Variants in RGL1 observed in about 807,000 individuals in gnomAD.
RGL1 encodes the protein ral guanine nucleotide dissociation stimulator like 1.
RGL1 carries 24 observed loss-of-function variants against 95.2 expected under a neutral mutation model. That is an observed-to-expected ratio of 0.25 (90% CI 0.18 to 0.35). The LOEUF (loss-of-function observed/expected upper bound fraction) is 0.35. Ranked by LOEUF, RGL1 falls within the 10% of genes least tolerant of loss-of-function variation. The pLI is 1.00. For synonymous variants in RGL1, 329 were observed against 344.9 expected, an observed-to-expected ratio of 0.95 and a Z score of 0.51; for missense variants, 715 against 936.3, an observed-to-expected ratio of 0.76 and a Z score of 3.08.
At chr1:183,858,178 A>G (rs1665280378) in intron 3 of RGL1, among the ~76,000 whole-genome samples, 2 of 152,200 alleles carry the variant, frequency 1.3e-5, no homozygotes, top group Admixed American at 1.3e-4. Context: ...AATGGGTGGT[A>G]ACTGAGTTAG....
intron 8 of RGL1, among the ~76,000 whole-genome samples, chr1:183,890,097 T>C (rs529522325): frequency 6.6e-6 from 1 of 152,246 alleles, no homozygotes; most frequent in South Asian, 2.1e-4. Flanking sequence ...CTTCACCTCT[T>C]CTTTCCCTTA....
chr1:183,822,295 T>A (rs892374077), intron 2 of RGL1, among the ~76,000 whole-genome samples: 2 of 152,190 alleles, frequency 1.3e-5, no homozygotes, highest in African/African-American at 4.8e-5. Flanking sequence ...TCTTTAAAAA[T>A]TATACCTTAG....
At position 183,926,197 on chromosome 1, in the gene RGL1, G is replaced by GA; in HGVS notation, c.2214dup (p.Gln739ThrfsTer6). 6.2e-7 allele frequency: 1 copy of GA among 1,614,050 alleles called. No homozygotes were observed. The highest frequency in any genetic ancestry group is 8.5e-7 in the Non-Finnish European group (1 of 1,179,968). ...TTTGCGCAAAAAGAACTCCATGGAAGAACAAGTGAAACTGCGTAGCCGGAC... is the reference window on the plus strand; with the variant it reads ...TTTGCGCAAAAAGAACTCCATGGAAGAAACAAGTGAAACTGCGTAGCCGGAC... On this transcript the variant is annotated frameshift_variant, in exon 18 of 18. Transcript: ENST00000360851. LOFTEE classifies it high-confidence loss of function.
At chr1:183,789,864 A>C (rs1660359960) in intron 2 of RGL1, among the ~76,000 whole-genome samples, 2 of 150,598 alleles carry the variant, frequency 1.3e-5, no homozygotes, top group Non-Finnish European at 3.0e-5. Context: ...TTTTGCCATT[A>C]AAAGTGATAG....
intron 3 of RGL1, among the ~76,000 whole-genome samples, chr1:183,863,732 TG>T (rs1467962589): frequency 6.6e-6 from 1 of 152,222 alleles, no homozygotes; most frequent in Non-Finnish European, 1.5e-5. Context: ...AGAGTTAGTA[TG>T]TCTGCAAGAT....
intron 1 of RGL1, chr1:183,647,582 A>C (rs1279594797): frequency 6.8e-7 from 1 of 1,481,294 alleles, no homozygotes; most frequent in Non-Finnish European, 8.9e-7. Flanking sequence ...GTTTATCTCC[A>C]TCTTGGCTCA....
intron 1 of RGL1, among the ~76,000 whole-genome samples, chr1:183,678,022 C>A (rs1372961810): frequency 1.3e-5 from 2 of 152,048 alleles, no homozygotes; most frequent in Non-Finnish European, 2.9e-5. Context: ...GTCTCATAGT[C>A]CTTATTTAAA....
chr1:183,643,258 GTTT>G (rs1553265191), intron 1 of RGL1, among the ~76,000 whole-genome samples: 12,247 of 142,950 alleles, frequency 0.086, 972 homozygotes, highest in African/African-American at 0.22. Flanking sequence ...TTGAGGTCCT[GTTT>G]TTTTATTTAT....
chr1:183,880,527 G>C lies in RGL1; in HGVS notation c.426-89G>C, dbSNP rs560549948. ...TGACCACCCACCCAAGTTTCCAGGG[G>C]TGCCCCTGGGGTCCACCCTGGTGTC... is the stretch of plus-strand genomic sequence containing the variant. On this transcript the variant is annotated intron_variant, in intron 4 of 17. Transcript: ENST00000360851. 17 of 1,167,586 alleles carry C rather than the reference G, an allele frequency of 1.5e-5. No individual in the cohort carries two copies. In the South Asian group the frequency reaches 2.5e-4, roughly 17 times the overall value. 72.3% of individuals were successfully genotyped at this position (1,167,586 alleles called of 1,614,324 possible).
chr1:183,761,916 T>C (rs1236237175), intron 2 of RGL1, among the ~76,000 whole-genome samples: 2 of 152,236 alleles, frequency 1.3e-5, no homozygotes, highest in Admixed American at 1.3e-4. Context: ...TTAAACATCA[T>C]GAACCAACCG....
chr1:183,821,394 T>C (rs1662481509), intron 2 of RGL1, among the ~76,000 whole-genome samples: 1 of 152,200 alleles, frequency 6.6e-6, no homozygotes, highest in East Asian at 1.9e-4. Flanking sequence ...TAAAACTTTT[T>C]GTTTAAAGTA....
chr1:183,747,512 G>T (rs1261306209), intron 2 of RGL1, among the ~76,000 whole-genome samples: 3 of 152,154 alleles, frequency 2.0e-5, no homozygotes, highest in Non-Finnish European at 4.4e-5. Flanking sequence ...ATTTATTTAG[G>T]TTCCTTGTAG....
chr1:183,771,224 A>G (rs1391448302), intron 2 of RGL1, among the ~76,000 whole-genome samples: 6 of 152,042 alleles, frequency 3.9e-5, no homozygotes, highest in African/African-American at 1.2e-4. Context: ...TCCTGCTTTC[A>G]CTATACCAGA....
At chr1:183,795,676 G>A (rs1485903605) in intron 2 of RGL1, among the ~76,000 whole-genome samples, 2 of 152,244 alleles carry the variant, frequency 1.3e-5, no homozygotes, top group African/African-American at 4.8e-5. Flanking sequence ...ACTGAGCAAT[G>A]AGGAGCCACT....
At position 183,888,586 on chromosome 1, in the gene RGL1, C is replaced by T. The variant is rs377550972; in HGVS notation, c.1055+9C>T. 14 of 1,567,292 alleles carry T rather than the reference C, an allele frequency of 8.9e-6. No homozygotes were observed. The highest frequency in any genetic ancestry group is 1.2e-5 in the Non-Finnish European group (14 of 1,137,722). On this transcript the variant is annotated intron_variant, in intron 8 of 17. Transcript: ENST00000360851. ...TGGGCTGCCGTCCCAAGGTAAGTTC[C>T]CAAGTGTTTGCTCTGCTTTTCTTTG...
chr1:183,647,758 C>T (rs1307165105), intron 1 of RGL1: 1 of 1,614,208 alleles, frequency 6.2e-7, no homozygotes, highest in East Asian at 2.2e-5. Context: ...ACTATCTCCA[C>T]TGACCTTCCA....
chr1:183,840,862 G>A (rs568929487), intron 2 of RGL1, among the ~76,000 whole-genome samples: 55 of 152,072 alleles, frequency 3.6e-4, no homozygotes, highest in African/African-American at 1.2e-3. Flanking sequence ...ACTGTACTGC[G>A]GCCTGGGCAA....
At chr1:183,683,493 C>T (rs532765907) in intron 1 of RGL1, among the ~76,000 whole-genome samples, 1 of 152,204 alleles carries the variant, frequency 6.6e-6, no homozygotes, top group East Asian at 1.9e-4. Flanking sequence ...AATATTGGTC[C>T]CCACTCTTTT....
chr1:183,751,994 C>T (rs79622683), intron 2 of RGL1, among the ~76,000 whole-genome samples: 2,311 of 152,244 alleles, frequency 0.015, 59 homozygotes, highest in African/African-American at 0.052. Flanking sequence ...TGTTCCTATT[C>T]GGCCATCTTG....
Sources: gnomAD v4.1 joint callset for allele counts (sites outside exome capture counted in the v4.1 genomes callset) on GRCh38, gnomAD v4.1.1 for gene constraint, MANE v1.5 for transcripts, NCBI Gene and HGNC (gene_info 2026-07-23, HGNC 2026-07-21) for gene names.